The following ADCY8 variants were observed in gnomAD, a reference collection of about 807,000 sequenced individuals.
ADCY8 encodes adenylate cyclase 8.
A neutral mutation model predicts 119.7 loss-of-function variants in ADCY8; 51 were observed. The observed-to-expected ratio is 0.43, with a 90% CI of 0.34 to 0.54. The LOEUF (loss-of-function observed/expected upper bound fraction) is 0.54, where lower values mean the gene tolerates loss of function less well. Ranked by LOEUF, ADCY8 falls within the 20% of genes least tolerant of loss-of-function variation. The pLI, the probability that ADCY8 is intolerant of heterozygous loss-of-function variation, is 0.03. For missense variants in ADCY8, 1,383 were observed against 1,598.8 expected (o/e 0.87, Z 2.30); for synonymous variants, 665 against 651.0 (o/e 1.02, Z -0.33).
intron 8 of ADCY8, among the ~76,000 whole-genome samples, chr8:130,868,922 A>G (rs1262840615): frequency 6.6e-6 from 1 of 152,220 alleles, no homozygotes; most frequent in East Asian, 1.9e-4. Context: ...CAATACCAAG[A>G]CAAGGTTTCA....
At chr8:130,909,181 T>G (rs1819894270) in intron 6 of ADCY8, among the ~76,000 whole-genome samples, 1 of 152,220 alleles carries the variant, frequency 6.6e-6, no homozygotes, top group Non-Finnish European at 1.5e-5. Context: ...TTACATTAGT[T>G]GCAGTGGCCT....
chr8:130,965,687 A>C (rs1273426733), intron 2 of ADCY8, among the ~76,000 whole-genome samples: 1 of 152,218 alleles, frequency 6.6e-6, no homozygotes, highest in Non-Finnish European at 1.5e-5. Flanking sequence ...TCTGATAATC[A>C]TTTGAATGTA....
chr8:130,980,346 A>G (rs1461692408), intron 2 of ADCY8, among the ~76,000 whole-genome samples: 1 of 152,224 alleles, frequency 6.6e-6, no homozygotes, highest in African/African-American at 2.4e-5. Flanking sequence ...AACCCAGTAC[A>G]GAAGTCATAG....
chr8:130,943,497 G>GGGGGGGCCCCCCCCCCC, intron 3 of ADCY8, 35 bp from the exon 4 acceptor site: 2 of 491,356 alleles, frequency 4.1e-6, no homozygotes, highest in East Asian at 5.4e-5. Context: ...GTGGGGGGAG[G>GGGGGGGCCCCCCCCCCC]AAGTATATTA....
In ADCY8 at chr8:130,906,343, TG is replaced by T. The variant is rs1329892756; in HGVS notation, c.1641-2302del. Among the ~76,000 whole-genome samples, 3 of 152,236 alleles carry T rather than the reference TG, an allele frequency of 2.0e-5. No homozygotes were observed. In the East Asian group the frequency reaches 5.8e-4, roughly 29 times the overall value. ...GGTAGGAGGGTTTTCTAAAGTACCA[TG>T]GTTGATTTTCTTTTAAGATAATTAA... On this transcript the variant is annotated intron_variant, in intron 6 of 17. Transcript: ENST00000286355.
chr8:130,875,902 C>A (rs946292468), intron 8 of ADCY8, among the ~76,000 whole-genome samples: 1 of 152,156 alleles, frequency 6.6e-6, no homozygotes, highest in African/African-American at 2.4e-5. Context: ...AAAGAAATAA[C>A]ATTAAATGAA....
At position 130,952,254 on chromosome 8, in the gene ADCY8, T is replaced by C. The variant is rs952911673; in HGVS notation, c.1111-256A>G. Among the ~76,000 whole-genome samples, 7 of 152,296 alleles carry C rather than the reference T, an allele frequency of 4.6e-5. 1 individual carries two copies. The South Asian group carries it at 1.4e-3, about 32-fold the overall frequency. ...GGAGCTTACATTCTAATAAGGAAGA[T>C]ACATTAAGTATTACATACCCAAAGA... is the stretch of plus-strand genomic sequence containing the variant. On this transcript the variant is annotated intron_variant, in intron 2 of 17. Coordinates refer to ENST00000286355, the MANE Select transcript of ADCY8 (RefSeq NM_001115.3).
At chr8:130,876,765 C>CT (rs993027854) in intron 8 of ADCY8, among the ~76,000 whole-genome samples, 4 of 151,860 alleles carry the variant, frequency 2.6e-5, no homozygotes, top group South Asian at 4.1e-4. Context: ...ATGGTTTTAA[C>CT]TTTTTTTTGG....
chr8:130,844,211 TG>T (rs1186140649), intron 11 of ADCY8, among the ~76,000 whole-genome samples: 1 of 152,180 alleles, frequency 6.6e-6, no homozygotes, highest in Non-Finnish European at 1.5e-5. Flanking sequence ...CACATCCAGA[TG>T]TTTGAGATAA....
At chr8:130,882,405 T>C (rs1818810220) in intron 8 of ADCY8, among the ~76,000 whole-genome samples, 1 of 152,170 alleles carries the variant, frequency 6.6e-6, no homozygotes, top group Admixed American at 6.5e-5. Context: ...CCTTTCCTAC[T>C]TAGCCTCTCC....
chr8:130,932,603 A>G (rs1820664101), intron 5 of ADCY8, among the ~76,000 whole-genome samples: 1 of 152,124 alleles, frequency 6.6e-6, no homozygotes, highest in Non-Finnish European at 1.5e-5. Flanking sequence ...TGTGCCTTTT[A>G]TTATTATTGT....
At chr8:131,024,018 G>T (rs1196668116) in intron 1 of ADCY8, among the ~76,000 whole-genome samples, 1 of 152,012 alleles carries the variant, frequency 6.6e-6, no homozygotes, top group Admixed American at 6.5e-5. Context: ...AGAGGTGATT[G>T]CTAATGATTG....
intron 12 of ADCY8, among the ~76,000 whole-genome samples, chr8:130,831,717 G>A (rs530111938): frequency 6.6e-6 from 1 of 152,280 alleles, no homozygotes; most frequent in East Asian, 1.9e-4. Context: ...GTAACAAGAA[G>A]CTCTTAAAGG....
intron 10 of ADCY8, among the ~76,000 whole-genome samples, chr8:130,849,042 G>A (rs1315036853): frequency 6.6e-6 from 1 of 152,062 alleles, no homozygotes; most frequent in Non-Finnish European, 1.5e-5. Flanking sequence ...CTCAATAAAT[G>A]GCAGCTATTT....
intron 8 of ADCY8, among the ~76,000 whole-genome samples, chr8:130,878,756 C>T (rs1818657081): frequency 6.6e-6 from 1 of 152,048 alleles, no homozygotes; most frequent in Admixed American, 6.6e-5. Context: ...ATAAATTTGT[C>T]ACAAGGACAA....
rs546100898 is a variant in ADCY8 at position 130,926,612 on chromosome 8, T to C, written c.1481+10461A>G. Among the ~76,000 whole-genome samples, 4 of 152,252 alleles carry C rather than the reference T, an allele frequency of 2.6e-5. No individual in the cohort carries two copies. The East Asian group carries it at 5.8e-4, about 22-fold the overall frequency. On this transcript the variant is annotated intron_variant, in intron 5 of 17. Transcript: ENST00000286355. ...TATGGTGAGAACACATGACATCCAGTCTCTTACCATTTTTCAAGAATAAAA... is the reference window on the plus strand; with the variant it reads ...TATGGTGAGAACACATGACATCCAGCCTCTTACCATTTTTCAAGAATAAAA...
intron 12 of ADCY8, among the ~76,000 whole-genome samples, chr8:130,824,542 C>A (rs753631473): frequency 1.3e-5 from 2 of 152,174 alleles, no homozygotes; most frequent in Non-Finnish European, 2.9e-5. Flanking sequence ...ATCTATGAAC[C>A]TGCAGGGCCT....
At chr8:131,022,430 T>C (rs949261497) in intron 1 of ADCY8, among the ~76,000 whole-genome samples, 1 of 152,352 alleles carries the variant, frequency 6.6e-6, no homozygotes, top group Non-Finnish European at 1.5e-5. Flanking sequence ...GCTTCATCCA[T>C]GTCCCTGTAA....
chr8:130,906,248 C>T (rs1819781363), intron 6 of ADCY8, among the ~76,000 whole-genome samples: 1 of 152,172 alleles, frequency 6.6e-6, no homozygotes, highest in Admixed American at 6.5e-5. Context: ...ATGGAAGTCC[C>T]CATCCGCTTT....
Sources: allele counts gnomAD v4.1 joint callset (sites outside exome capture counted in the v4.1 genomes callset), GRCh38; gene constraint gnomAD v4.1.1; transcripts MANE v1.5; gene names NCBI Gene and HGNC (gene_info 2026-07-23, HGNC 2026-07-21).